PNPLA7: variants seen among roughly 807,000 people sequenced by gnomAD.
The protein encoded by PNPLA7 is patatin-like phospholipase domain-containing protein 7.
PNPLA7 carries 153 observed loss-of-function variants against 161.7 expected under a neutral mutation model. That is an observed-to-expected ratio of 0.95 (90% CI 0.83 to 1.08). The LOEUF (loss-of-function observed/expected upper bound fraction) is 1.08, where lower values mean the gene tolerates loss of function less well. Among genes scored for constraint, PNPLA7 ranks in the 50% least tolerant of loss-of-function variants. PNPLA7 has a pLI of 0.00. For missense variants in PNPLA7, 1,739 were observed against 1,856.6 expected, an observed-to-expected ratio of 0.94 and a Z score of 1.16; for synonymous variants, 809 against 782.1, an observed-to-expected ratio of 1.03 and a Z score of -0.57.
chr9:137,500,974 G>A lies in PNPLA7; in HGVS notation c.1552-78C>T, dbSNP rs1057458037. On this transcript the variant is annotated intron_variant, in intron 15 of 34. Coordinates refer to ENST00000406427, the MANE Select transcript of PNPLA7 (RefSeq NM_001098537.3). The surrounding 1 kb of genome is among the most constrained non-coding windows in gnomAD (Gnocchi z 5.5). ...GGGCAGCTCTGGGCCCAGAGCGGAC[G>A]ATGCCACCAGGCTCAGCCGGGAGAC... The A allele has an allele frequency of 1.9e-5, 25 of 1,333,102 alleles. No individual in the cohort carries two copies. In the Admixed American group the frequency reaches 2.8e-4, roughly 15 times the overall value. The allele number at this position is 1,333,102 out of a possible 1,614,324, so 82.6% of individuals were successfully genotyped here.
chr9:137,531,417 C>A (rs1835575203), intron 8 of PNPLA7, among the ~76,000 whole-genome samples: 1 of 152,214 alleles, frequency 6.6e-6, no homozygotes, highest in African/African-American at 2.4e-5. Context: ...AACCTCACCC[C>A]AGATCAGGAA....
Position 137,520,179 on chromosome 9 carries a change from G to T in PNPLA7, c.958-136C>A. ...GTGTGGGCCCCTCAAAGGTGTGACA[G>T]GTGTGGGACTCTCAAAGGTGTGACA... On this transcript the variant is annotated intron_variant, in intron 10 of 34. Transcript: ENST00000406427. The surrounding 1 kb of genome is among the most constrained non-coding windows in gnomAD (Gnocchi z 5.2). 7.8e-7 allele frequency: 1 copy of T among 1,284,238 alleles called. No homozygotes were observed. Among genetic ancestry groups the T allele is most frequent in the Non-Finnish European group, 1.1e-6 (1 of 933,516 alleles). The allele number at this position is 1,284,238 out of a possible 1,614,324, so 79.6% of individuals were successfully genotyped here.
Position 137,547,778 on chromosome 9 carries a change from G to A in PNPLA7, c.31-119C>T, listed in dbSNP as rs745454642. 1.5e-4 allele frequency: 147 copies of A among 971,058 alleles called. No homozygotes were observed. The highest frequency in any genetic ancestry group is 7.5e-4 in the Middle Eastern group (3 of 4,004). 60.2% of individuals were successfully genotyped at this position (971,058 alleles called of 1,614,324 possible). A position where few individuals can be genotyped will look rare whatever the true frequency, so the allele number is the denominator to read the frequency against. The stretch of plus-strand genomic sequence containing the variant: ...GAAGTCAGCAGCCCTGGAGACTTCT[G>A]GGAAGAAGTGATCTCGCCCGGGGTG... On this transcript the variant is annotated intron_variant, in intron 1 of 34. Transcript: ENST00000406427. This position sits in a 1 kb window ranked among gnomAD's most constrained non-coding sequence, Gnocchi z 4.6.
chr9:137,500,651 G>A lies in PNPLA7; in HGVS notation c.1757+40C>T, dbSNP rs71510827. ...CGGGGAGGGGTCTCAGGGCAGGGGG[G>A]GCTGGGGCCCGCCCTGAGGTCCTGG... On this transcript the variant is annotated intron_variant, in intron 16 of 34. Transcript: ENST00000406427. The surrounding 1 kb of genome is among the most constrained non-coding windows in gnomAD (Gnocchi z 5.5). The A allele has an allele frequency of 3.6e-4, 567 of 1,592,232 alleles. 1 individual carries two copies. The highest frequency in any genetic ancestry group is 4.5e-4 in the Non-Finnish European group (529 of 1,165,578).
At chr9:137,472,568 T>C (rs1007861523) in intron 25 of PNPLA7, among the ~76,000 whole-genome samples, 4 of 150,064 alleles carry the variant, frequency 2.7e-5, no homozygotes, top group African/African-American at 9.8e-5. Flanking sequence ...GGAGAATCAC[T>C]TGAACCTGGG....
Position 137,518,793 on chromosome 9 carries a change from C to G in PNPLA7, c.1084+1124G>C, listed in dbSNP as rs1482746614. On this transcript the variant is annotated intron_variant, in intron 11 of 34. Transcript: ENST00000406427. Reference sequence around the variant, plus strand: ...CTGTCCACTCCATCCCCCACTCACTCACTCCACTCTGTCCACTCCATCCCC... The same window carrying G: ...CTGTCCACTCCATCCCCCACTCACTGACTCCACTCTGTCCACTCCATCCCC... Among the ~76,000 whole-genome samples, 6 of 70,318 alleles carry G rather than the reference C, an allele frequency of 8.5e-5. 2 individuals carry two copies. Among genetic ancestry groups the G allele is most frequent in the African/African-American group, 2.9e-4 (4 of 13,744 alleles). 46.1% of individuals were successfully genotyped at this position (70,318 alleles called of 152,430 possible).
rs769784072 is a variant in PNPLA7, at chr9:137,540,736, G to A, written c.667-14C>T. ...CTCGGTGCCGTCCTGCGCTTGGAGAGCAGAGTGGGTGCCGTCAGGTCTGGG... is the reference window on the plus strand; with the variant it reads ...CTCGGTGCCGTCCTGCGCTTGGAGAACAGAGTGGGTGCCGTCAGGTCTGGG... On this transcript the variant is annotated splice_polypyrimidine_tract_variant and intron_variant, in intron 7 of 34. Transcript: ENST00000406427. This position sits in a 1 kb window ranked among gnomAD's most constrained non-coding sequence, Gnocchi z 5.1. The A allele has an allele frequency of 6.2e-7, 1 of 1,603,828 alleles. No homozygotes were observed. The highest frequency in any genetic ancestry group is 1.1e-5 in the South Asian group (1 of 89,818).
At chr9:137,497,375 C>T (rs1215738164) in intron 17 of PNPLA7, 65 bp from the exon 18 acceptor site, 29 of 1,373,132 alleles carry the variant, frequency 2.1e-5, no homozygotes, top group African/African-American at 3.0e-5. Context: ...CCCAGCTTCC[C>T]AATGCCAGAC....
intron 21 of PNPLA7, among the ~76,000 whole-genome samples, chr9:137,482,491 C>T (rs1035978985): frequency 3.9e-5 from 6 of 152,254 alleles, no homozygotes; most frequent in African/African-American, 1.4e-4. Context: ...GAGGCTACAC[C>T]GTGTGGTTCC....
intron 21 of PNPLA7, among the ~76,000 whole-genome samples, chr9:137,481,356 G>A (rs1832210575): frequency 6.6e-6 from 1 of 152,236 alleles, no homozygotes; most frequent in Admixed American, 6.5e-5. Flanking sequence ...TGCCACGTGT[G>A]CAGGGCAGGG....
rs889478688 is a variant in PNPLA7 at position 137,540,109 on chromosome 9, T to A, written c.747+533A>T. On this transcript the variant is annotated intron_variant, in intron 8 of 34. Transcript: ENST00000406427. This position sits in a 1 kb window ranked among gnomAD's most constrained non-coding sequence, Gnocchi z 5.1. ...CGGCAGCACCTTTCAAAATTACAAG[T>A]CTGCATCCCTGGGACCCTGCAAGTC... 5.3e-5 allele frequency among the ~76,000 whole-genome samples: 8 copies of A among 152,128 alleles called. No homozygotes were observed. The highest frequency in any genetic ancestry group is 1.3e-4 in the Admixed American group (2 of 15,272).
At chr9:137,460,607 C>T in intron 34 of PNPLA7, 27 bp downstream of exon 34, 1 of 1,603,558 alleles carries the variant, frequency 6.2e-7, no homozygotes, top group South Asian at 1.1e-5. Flanking sequence ...CTGTGGGCAC[C>T]AGGTGGGACC....
At chr9:137,464,275 G>C in intron 27 of PNPLA7, 65 bp downstream of exon 27, 1 of 1,606,860 alleles carries the variant, frequency 6.2e-7, no homozygotes, top group South Asian at 1.1e-5. Flanking sequence ...CCAGGGCCAA[G>C]AGGTGGGGGG....
intron 14 of PNPLA7, 95 bp from the exon 15 acceptor site, chr9:137,501,822 C>A: frequency 3.9e-6 from 5 of 1,298,598 alleles, no homozygotes; most frequent in South Asian, 1.3e-5. Context: ...GGGCAACGAG[C>A]GGTGAGGCCA....
intron 1 of PNPLA7, among the ~76,000 whole-genome samples, chr9:137,549,615 C>T (rs989807937): frequency 4.1e-4 from 60 of 145,524 alleles, no homozygotes; most frequent in Non-Finnish European, 6.4e-4. Context: ...GCCAACATGG[C>T]GAAACCCCGT....
chr9:137,511,904 C>T (rs141267268), intron 12 of PNPLA7, among the ~76,000 whole-genome samples: 321 of 152,300 alleles, frequency 2.1e-3, no homozygotes, highest in Admixed American at 3.5e-3. Flanking sequence ...AAGGGAAAGG[C>T]CCCCTGTCAC....
At chr9:137,466,844 C>A (rs28552828) in intron 26 of PNPLA7, among the ~76,000 whole-genome samples, 60 of 60,278 alleles carry the variant, frequency 1.0e-3, no homozygotes, top group East Asian at 4.8e-3. Flanking sequence ...GTCTCCATCA[C>A]CTCAGACCCG....
intron 4 of PNPLA7, among the ~76,000 whole-genome samples, chr9:137,544,580 A>G (rs187230734): frequency 6.6e-6 from 1 of 152,344 alleles, no homozygotes; most frequent in African/African-American, 2.4e-5. Flanking sequence ...GGATGAGAAC[A>G]GATGAGTCAC....
chr9:137,478,188 G>GC, intron 24 of PNPLA7, 36 bp from the exon 25 acceptor site: 1 of 1,262,778 alleles, frequency 7.9e-7, no homozygotes, highest in Non-Finnish European at 1.0e-6. Flanking sequence ...CTGGTGCAGG[G>GC]CCCCACCCTC....
Sources: gnomAD v4.1 joint callset for allele counts (sites outside exome capture counted in the v4.1 genomes callset) on GRCh38, gnomAD v4.1.1 for gene constraint, Gnocchi (gnomAD v3.1) non-coding constraint, MANE v1.5 for transcripts, NCBI Gene and HGNC (gene_info 2026-07-23, HGNC 2026-07-21) for gene names.